Variants in PIGO observed in about 807,000 individuals in gnomAD.
PIGO encodes GPI ethanolamine phosphate transferase 3, catalytic subunit.
Under a neutral mutation model 86.9 loss-of-function variants are expected in PIGO, and 66 were observed. The ratio of observed to expected loss-of-function variants is 0.76; its 90% confidence interval spans 0.62 to 0.93. The LOEUF (loss-of-function observed/expected upper bound fraction) is 0.93. Among genes scored for constraint, PIGO ranks in the 40% least tolerant of loss-of-function variants. The probability of loss-of-function intolerance (pLI) is 0.00; values close to 1 mark genes in which losing one functional copy is unlikely to be tolerated. For missense variants in PIGO, 1,202 were observed against 1,359.1 expected (o/e 0.88, Z 1.82); for synonymous variants, 570 against 556.4 (o/e 1.02, Z -0.34).
At position 35,095,770 on chromosome 9, in the gene PIGO, T is replaced by C. The variant is rs1193349881; in HGVS notation, c.-1-204A>G. On this transcript the variant is annotated intron_variant, in intron 1 of 10. Transcript: ENST00000378617. ...GGCTCACGCCTGTAATCCCAGCACT[T>C]TGGGAGGCCGAGGCGGGCGGATCAC... 1.9e-5 allele frequency: 13 copies of C among 675,806 alleles called. No individual in the cohort carries two copies. In the East Asian group the frequency reaches 1.9e-4, roughly 10 times the overall value. 41.9% of individuals were successfully genotyped at this position (675,806 alleles called of 1,614,324 possible). A position where few individuals can be genotyped will look rare whatever the true frequency, so the allele number is the denominator to read the frequency against.
Position 35,090,118 on chromosome 9 carries a change from T to G in PIGO, c.3017A>C (p.Tyr1006Ser). Residue 1006 changes from tyrosine (Y) to serine (S), a missense_variant, in exon 9 of 11, where the codon TAT becomes TCT. Tyr to Ser is a moderately radical substitution (Grantham distance 144, BLOSUM62 -2). Transcript: ENST00000378617. ...MRLRDAPQHF[Y>S]AALLQLGLKY... The stretch of plus-strand genomic sequence containing the variant: ...GAGGCCCAGCTGCAGCAGTGCTGCA[T>G]AGAAGTGCTGAGGCGCATCCCGGAG... 1 of 1,614,254 alleles carries G rather than the reference T, an allele frequency of 6.2e-7. No homozygotes were observed. Among genetic ancestry groups the G allele is most frequent in the Non-Finnish European group, 8.5e-7 (1 of 1,180,044 alleles).
At position 35,092,258 on chromosome 9, in the gene PIGO, A is replaced by G. The variant is rs1829458978; in HGVS notation, c.1629T>C (p.Phe543=). Reference sequence around the variant, plus strand: ...GTAACAGGACGGGCCCAGGGATGGGAAACAGGGTTGCCAGGGGCCTCTTGG... The same window carrying G: ...GTAACAGGACGGGCCCAGGGATGGGGAACAGGGTTGCCAGGGGCCTCTTGG... ...WGSKRPLATL[F]PIPGPVLLLL... The change falls in exon 7 of 11, where the codon TTT becomes TTC. Residue 543 remains phenylalanine (F), a synonymous_variant. Transcript: ENST00000378617. The G allele has an allele frequency of 6.2e-7, 1 of 1,614,082 alleles. No individual in the cohort carries two copies. The highest frequency in any genetic ancestry group is 8.5e-7 in the Non-Finnish European group (1 of 1,180,040).
At chr9:35,095,953 G>A (rs1464671253) in intron 1 of PIGO, 1 of 190,970 alleles carries the variant, frequency 5.2e-6, no homozygotes, top group African/African-American at 2.4e-5. Flanking sequence ...GCAGTGAGCC[G>A]AGATTGAACC....
chr9:35,091,209 T>G, intron 7 of PIGO, 31 bp downstream of exon 7: 1 of 1,546,198 alleles, frequency 6.5e-7, no homozygotes, highest in East Asian at 2.3e-5. Flanking sequence ...ATCACTATTG[T>G]CTTTAAGTGA....
chr9:35,092,928 A>G (rs1393764278), intron 6 of PIGO, 102 bp downstream of exon 6: 5 of 1,424,554 alleles, frequency 3.5e-6, no homozygotes, highest in Non-Finnish European at 4.7e-6. Context: ...ATAGGTATGG[A>G]AGGTGGGACT....
Position 35,092,212 on chromosome 9 carries a change from C to T in PIGO, c.1675G>A (p.Val559Met). Reference sequence around the variant, plus strand: ...ACAACAAAACTATCAGAGAAGAACACAGCCAAGCGAAACAGCAGGAGTAAC... The same window carrying T: ...ACAACAAAACTATCAGAGAAGAACATAGCCAAGCGAAACAGCAGGAGTAAC... ...VLLLLLFRLA[V>M]FFSDSFVVAE... Residue 559 changes from valine (V) to methionine (M), a missense_variant, in exon 7 of 11, where the codon GTG becomes ATG. Transcript: ENST00000378617. 1 of 1,614,228 alleles carries T rather than the reference C, an allele frequency of 6.2e-7. No homozygotes were observed. Among genetic ancestry groups the T allele is most frequent in the Non-Finnish European group, 8.5e-7 (1 of 1,180,050 alleles).
chr9:35,089,201 C>A lies in PIGO; in HGVS notation c.3161G>T (p.Gly1054Val), dbSNP rs372353644. 6.2e-7 allele frequency: 1 copy of A among 1,614,238 alleles called. No homozygotes were observed. The highest frequency in any genetic ancestry group is 8.5e-7 in the Non-Finnish European group (1 of 1,180,050). Residue 1054 changes from glycine to valine, a missense_variant, in exon 11 of 11, where the codon GGC becomes GTC. Transcript: ENST00000378617. Reference protein sequence around the residue: ...FAPKFIFEAVGFIVSSVGLLL... With the variant: ...FAPKFIFEAVVFIVSSVGLLL... ...AAGTCCCACGCTGCTCACAATGAAG[C>A]CCACAGCCTCAAATATGAACCTGCA... is the stretch of plus-strand genomic sequence containing the variant.
rs1401160378 is a variant in PIGO, at chr9:35,095,391, C to G, written c.175G>C (p.Gly59Arg). The change falls in exon 2 of 11, where the codon GGG becomes CGG. Residue 59 changes from glycine to arginine, a missense_variant. Coordinates refer to ENST00000378617, the MANE Select transcript of PIGO (RefSeq NM_032634.4). ...AATCGGGAAGCCATCCAGCAGGCCC[C>G]AGGTTTCCCTTGGCTCCCCCATGGC... ...SLPWGSQGKP[G>R]ACWMASRFSR... The G allele has an allele frequency of 1.7e-5, 27 of 1,614,068 alleles. No homozygotes were observed. Among genetic ancestry groups the G allele is most frequent in the Non-Finnish European group, 2.3e-5 (27 of 1,180,034 alleles).
At position 35,095,107 on chromosome 9, in the gene PIGO, G is replaced by A. The variant is rs201331400; in HGVS notation, c.459C>T (p.Phe153=). The change falls in exon 2 of 11, where the codon TTC becomes TTT. Residue 153 remains phenylalanine (F), a synonymous_variant. Transcript: ENST00000378617. ...TGTCTTCCACTATGGCGTGGCTGGC[G>A]AAGTTACTACCAGCATCAATAAAGG... ...LPTFIDAGSN[F]ASHAIVEDNL... 1.4e-5 allele frequency: 22 copies of A among 1,613,300 alleles called. No homozygotes were observed. Among genetic ancestry groups the A allele is most frequent in the African/African-American group, 5.3e-5 (4 of 75,060 alleles).
chr9:35,095,322 A>C lies in PIGO; in HGVS notation c.244T>G (p.Phe82Val), dbSNP rs770347138. 1.2e-6 allele frequency: 2 copies of C among 1,614,184 alleles called. No homozygotes were observed. Among genetic ancestry groups the C allele is most frequent in the African/African-American group, 2.7e-5 (2 of 75,042 alleles). The change falls in exon 2 of 11, where the codon TTC (phenylalanine) becomes GTC (valine). Residue 82 changes from phenylalanine (F) to valine (V), a missense_variant. Physicochemically the swap from Phe to Val is conservative, Grantham distance 50. Coordinates refer to ENST00000378617, the MANE Select transcript of PIGO (RefSeq NM_032634.4). ...LVLIDALRFD[F>V]AQPQHSHVPR... ...ACGTGTGAATGCTGGGGCTGGGCGAAGTCAAATCGCAGAGCATCTATCAGC... is the reference window on the plus strand; with the variant it reads ...ACGTGTGAATGCTGGGGCTGGGCGACGTCAAATCGCAGAGCATCTATCAGC...
At position 35,090,147 on chromosome 9, in the gene PIGO, C is replaced by G. The variant is rs759177338; in HGVS notation, c.2988G>C (p.Met996Ile). 2.5e-6 allele frequency: 4 copies of G among 1,614,284 alleles called. No homozygotes were observed. The highest frequency in any genetic ancestry group is 3.4e-6 in the Non-Finnish European group (4 of 1,180,050). Residue 996 changes from methionine (M) to isoleucine (I), a missense_variant, in exon 9 of 11, where the codon ATG becomes ATC. Met to Ile is a conservative substitution (Grantham distance 10, BLOSUM62 1). Transcript: ENST00000378617. ...AGTGCTGAGGCGCATCCCGGAGCCGCATCTCCATCAGTGGCTCCTCTTCCT... is the reference window on the plus strand; with the variant it reads ...AGTGCTGAGGCGCATCCCGGAGCCGGATCTCCATCAGTGGCTCCTCTTCCT... ...PEEEEEPLMEMRLRDAPQHFY... is the reference protein window; with the variant it reads ...PEEEEEPLMEIRLRDAPQHFY...
chr9:35,091,804 TGAGATTACCATAGC>T lies in PIGO; in HGVS notation c.2069_2082del (p.Arg690GlnfsTer33), dbSNP rs1829434454. On this transcript the variant is annotated frameshift_variant, in exon 7 of 11. Coordinates refer to ENST00000378617, the MANE Select transcript of PIGO (RefSeq NM_032634.4). LOFTEE classifies it high-confidence loss of function. ...AAGAGCATGGGTGGCTCGGGGCTCTTGAGATTACCATAGCGGCGAAGCCACAAGCGCACGGCAGC... is the reference window on the plus strand; with the variant it reads ...AAGAGCATGGGTGGCTCGGGGCTCTTGGCGAAGCCACAAGCGCACGGCAGC... 3.7e-6 allele frequency: 6 copies of T among 1,613,218 alleles called. No homozygotes were observed. Among genetic ancestry groups the T allele is most frequent in the Non-Finnish European group, 4.2e-6 (5 of 1,180,010 alleles).
rs1208991955 is a variant in PIGO at position 35,091,726 on chromosome 9, A to G, written c.2161T>C (p.Leu721=). The G allele has an allele frequency of 3.7e-6, 6 of 1,612,062 alleles. No homozygotes were observed. Among genetic ancestry groups the G allele is most frequent in the Non-Finnish European group, 5.1e-6 (6 of 1,180,024 alleles). Residue 721 remains leucine (L), a synonymous_variant, in exon 7 of 11, where the codon TTG becomes CTG. Transcript: ENST00000378617. ...MALGTAAYWA[L]ASGADEAPPR... Reference sequence around the variant, plus strand: ...GGAGCCTCATCTGCCCCCGACGCCAATGCCCAGTAGGCAGCAGTACCCAAT... The same window carrying G: ...GGAGCCTCATCTGCCCCCGACGCCAGTGCCCAGTAGGCAGCAGTACCCAAT...
At position 35,091,717 on chromosome 9, in the gene PIGO, C is replaced by T. The variant is rs1485378196; in HGVS notation, c.2170G>A (p.Gly724Arg). 1 of 1,612,216 alleles carries T rather than the reference C, an allele frequency of 6.2e-7. No homozygotes were observed. Among genetic ancestry groups the T allele is most frequent in the Non-Finnish European group, 8.5e-7 (1 of 1,180,028 alleles). Residue 724 changes from glycine (G) to arginine (R), a missense_variant, in exon 7 of 11, where the codon GGG (glycine) becomes AGG (arginine). Physicochemically the swap from Gly to Arg is moderately radical, Grantham distance 125 (BLOSUM62 -2). Coordinates refer to ENST00000378617, the MANE Select transcript of PIGO (RefSeq NM_032634.4). ...AGACGGGGGGGAGCCTCATCTGCCCCCGACGCCAATGCCCAGTAGGCAGCA... is the reference window on the plus strand; with the variant it reads ...AGACGGGGGGGAGCCTCATCTGCCCTCGACGCCAATGCCCAGTAGGCAGCA... ...GTAAYWALAS[G>R]ADEAPPRLRV...
Position 35,092,252 on chromosome 9 carries a change from G to T in PIGO, c.1635C>A (p.Ile545=). The T allele has an allele frequency of 6.2e-7, 1 of 1,614,206 alleles. No homozygotes were observed. Among genetic ancestry groups the T allele is most frequent in the Non-Finnish European group, 8.5e-7 (1 of 1,180,036 alleles). ...SKRPLATLFP[I]PGPVLLLLLF... is the part of the protein sequence containing the mutation. ...GCAGGAGTAACAGGACGGGCCCAGG[G>T]ATGGGAAACAGGGTTGCCAGGGGCC... Residue 545 remains isoleucine, a synonymous_variant, in exon 7 of 11, where the codon ATC becomes ATA. Transcript: ENST00000378617.
chr9:35,095,622 T>C (rs1007024698), intron 1 of PIGO, 56 bp from the exon 2 acceptor site: 35 of 1,447,882 alleles, frequency 2.4e-5, no homozygotes, highest in Middle Eastern at 4.1e-4. Flanking sequence ...CAGTGGATAT[T>C]CTGGTCCCTG....
In PIGO at chr9:35,094,457, C is replaced by A. The variant is rs911241999; in HGVS notation, c.512-98G>T. 1.5e-5 allele frequency: 21 copies of A among 1,374,268 alleles called. No homozygotes were observed. In the African/African-American group the frequency reaches 2.1e-4, roughly 14 times the overall value. 85.1% of individuals were successfully genotyped at this position (1,374,268 alleles called of 1,614,324 possible). A position where few individuals can be genotyped will look rare whatever the true frequency, so the allele number is the denominator to read the frequency against. On this transcript the variant is annotated intron_variant, in intron 2 of 10. Coordinates refer to ENST00000378617, the MANE Select transcript of PIGO (RefSeq NM_032634.4). ...TTTAAAGACCCATCAGAAGTCCCAA[C>A]CATGCAACCTAAAGTACAGCAATTC... is the stretch of plus-strand genomic sequence containing the variant.
intron 4 of PIGO, 134 bp from the exon 5 acceptor site, chr9:35,093,714 A>G: frequency 7.1e-7 from 1 of 1,414,670 alleles, no homozygotes; most frequent in South Asian, 1.4e-5. Flanking sequence ...TGGCAAAGAG[A>G]CATGTCTTCG....
chr9:35,095,154 G>C lies in PIGO; in HGVS notation c.412C>G (p.Leu138Val). ...AAGGTAGGCAGTGAGCCAGTGGTGA[G>C]GGCCTTGAGGCGCTGCATGGTGGTG... ...PTTTMQRLKALTTGSLPTFID... is the reference protein window; with the variant it reads ...PTTTMQRLKAVTTGSLPTFID... The change falls in exon 2 of 11, where the codon CTC becomes GTC. Residue 138 changes from leucine (L) to valine (V), a missense_variant. By Grantham distance (32) the Leu-to-Val change is conservative. Coordinates refer to ENST00000378617, the MANE Select transcript of PIGO (RefSeq NM_032634.4). 1 of 1,614,236 alleles carries C rather than the reference G, an allele frequency of 6.2e-7. No individual in the cohort carries two copies. Among genetic ancestry groups the C allele is most frequent in the Non-Finnish European group, 8.5e-7 (1 of 1,180,038 alleles).
Sources: allele counts gnomAD v4.1 joint callset, GRCh38; gene constraint gnomAD v4.1.1; transcripts MANE v1.5; gene names NCBI Gene and HGNC (gene_info 2026-07-23, HGNC 2026-07-21).